Variants in MACROD2 observed in about 807,000 individuals in gnomAD.
MACROD2 encodes mono-ADP ribosylhydrolase 2.
In MACROD2, 36 loss-of-function variants were observed where a neutral mutation model predicts 70.4. The ratio of observed to expected loss-of-function variants is 0.51; its 90% confidence interval spans 0.39 to 0.68. The LOEUF (loss-of-function observed/expected upper bound fraction) is 0.68. Ranked by LOEUF, MACROD2 falls within the 30% of genes least tolerant of loss-of-function variation. MACROD2 has a pLI of 0.00. For missense variants in MACROD2, 496 were observed against 538.4 expected, an observed-to-expected ratio of 0.92 and a Z score of 0.78; for synonymous variants, 172 against 178.8, an observed-to-expected ratio of 0.96 and a Z score of 0.30.
chr20:15,406,287 A>T (rs1410066240), intron 6 of MACROD2, among the ~76,000 whole-genome samples: 3 of 152,204 alleles, frequency 2.0e-5, no homozygotes, highest in Admixed American at 1.3e-4. Context: ...TTGGGCTGTT[A>T]GGTCATGTCC....
At chr20:14,085,200 AT>A (rs965130687) in intron 2 of MACROD2, among the ~76,000 whole-genome samples, 3 of 150,740 alleles carry the variant, frequency 2.0e-5, no homozygotes, top group Admixed American at 1.3e-4. Flanking sequence ...GCTGAACCTA[AT>A]TTTTTTTTGC....
chr20:14,340,718 C>T (rs2083004659), intron 3 of MACROD2, among the ~76,000 whole-genome samples: 1 of 152,086 alleles, frequency 6.6e-6, no homozygotes. Flanking sequence ...GTTGGCTAGC[C>T]TGTGAATCTA....
chr20:14,741,510 TA>T (rs1244747816), intron 5 of MACROD2, among the ~76,000 whole-genome samples: 1 of 152,168 alleles, frequency 6.6e-6, no homozygotes, highest in African/African-American at 2.4e-5. Context: ...AGAATAGGTA[TA>T]TTTAACTTGT....
chr20:14,307,012 A>AACACACACACACAC (rs3044626), intron 3 of MACROD2, among the ~76,000 whole-genome samples: 4 of 148,308 alleles, frequency 2.7e-5, no homozygotes, highest in Admixed American at 1.4e-4. Flanking sequence ...ACTAAATGTA[A>AACACACACACACAC]ACACACACAC....
chr20:14,094,822 A>G (rs1296884470), intron 3 of MACROD2, among the ~76,000 whole-genome samples: 1 of 152,118 alleles, frequency 6.6e-6, no homozygotes. Flanking sequence ...GTCAAACAAG[A>G]CTTGCTTCAA....
intron 4 of MACROD2, among the ~76,000 whole-genome samples, chr20:14,601,937 A>T (rs1982524097): frequency 6.6e-6 from 1 of 152,182 alleles, no homozygotes; most frequent in South Asian, 2.1e-4. Flanking sequence ...GTACCATATG[A>T]TTAAGCATCT....
At chr20:14,521,202 G>T (rs2085166267) in intron 4 of MACROD2, among the ~76,000 whole-genome samples, 1 of 152,094 alleles carries the variant, frequency 6.6e-6, no homozygotes, top group South Asian at 2.1e-4. Context: ...CAGGTTAGTT[G>T]TCACCCTCAG....
intron 12 of MACROD2, among the ~76,000 whole-genome samples, chr20:15,946,908 G>A (rs983474942): frequency 1.3e-5 from 2 of 152,196 alleles, no homozygotes. Context: ...ATAGTGGGGA[G>A]AAGGTCAGCA....
intron 5 of MACROD2, among the ~76,000 whole-genome samples, chr20:15,113,612 T>C (rs923556521): frequency 6.6e-6 from 1 of 152,144 alleles, no homozygotes; most frequent in African/African-American, 2.4e-5. Flanking sequence ...TTGTTGTGAA[T>C]TGTATCTAAT....
intron 6 of MACROD2, among the ~76,000 whole-genome samples, chr20:15,264,406 A>G (rs2146051716): frequency 6.6e-6 from 1 of 152,290 alleles, no homozygotes. Flanking sequence ...CTCTAGAATA[A>G]ACTTGAGAGT....
intron 5 of MACROD2, among the ~76,000 whole-genome samples, chr20:14,900,072 T>C (rs1475454909): frequency 6.6e-6 from 1 of 152,148 alleles, no homozygotes; most frequent in Non-Finnish European, 1.5e-5. Context: ...GAGATGAGCA[T>C]ATGGTTTATA....
chr20:14,927,368 C>T (rs972114764), intron 5 of MACROD2, among the ~76,000 whole-genome samples: 1 of 152,134 alleles, frequency 6.6e-6, no homozygotes, highest in Non-Finnish European at 1.5e-5. Flanking sequence ...CAAAAATGCC[C>T]AGCCTCAACA....
At chr20:15,715,836 G>A (rs898496366) in intron 8 of MACROD2, among the ~76,000 whole-genome samples, 2 of 151,964 alleles carry the variant, frequency 1.3e-5, no homozygotes, top group East Asian at 1.9e-4. Flanking sequence ...TTTCATCTTC[G>A]CCATCTTTGG....
chr20:15,642,485 C>G (rs570335131), intron 8 of MACROD2, among the ~76,000 whole-genome samples: 2 of 151,742 alleles, frequency 1.3e-5, no homozygotes, highest in African/African-American at 4.8e-5. Flanking sequence ...TGTCTATGCC[C>G]GGTTCTCTCT....
intron 8 of MACROD2, among the ~76,000 whole-genome samples, chr20:15,686,787 C>G (rs951054075): frequency 6.6e-6 from 1 of 150,486 alleles, no homozygotes; most frequent in African/African-American, 2.4e-5. Context: ...GCAGGAGAAC[C>G]ACTTGAGCCC....
intron 5 of MACROD2, among the ~76,000 whole-genome samples, chr20:14,915,116 G>A (rs1341129537): frequency 6.6e-6 from 1 of 152,150 alleles, no homozygotes; most frequent in East Asian, 1.9e-4. Context: ...GCTATGTGTT[G>A]TTGCAAGAAG....
chr20:15,276,247 G>T (rs1600183981), intron 6 of MACROD2, among the ~76,000 whole-genome samples: 1 of 151,636 alleles, frequency 6.6e-6, no homozygotes, highest in African/African-American at 2.4e-5. Flanking sequence ...AAAAATACAA[G>T]AAATTAGCTG....
intron 6 of MACROD2, among the ~76,000 whole-genome samples, chr20:15,371,660 G>A (rs112028900): frequency 1.3e-5 from 2 of 152,132 alleles, no homozygotes; most frequent in African/African-American, 4.8e-5. Flanking sequence ...TATTTTACAG[G>A]CAATTAATCT....
At chr20:15,426,626 G>T (rs4814373) in intron 6 of MACROD2, among the ~76,000 whole-genome samples, 48,003 of 150,900 alleles carry the variant, frequency 0.32, 7,988 homozygotes, top group African/African-American at 0.41. Context: ...TTTGTTTTTT[G>T]TTTTTGTCTC....
Sources: gnomAD v4.1 joint callset for allele counts (sites outside exome capture counted in the v4.1 genomes callset) on GRCh38, gnomAD v4.1.1 for gene constraint, MANE v1.5 for transcripts, NCBI Gene and HGNC (gene_info 2026-07-23, HGNC 2026-07-21) for gene names.